Variants in RBM27 observed in about 807,000 individuals in gnomAD.
RBM27 encodes RNA-binding protein 27.
Under a neutral mutation model 135.3 loss-of-function variants are expected in RBM27, and 22 were observed. The ratio of observed to expected loss-of-function variants is 0.16; its 90% CI spans 0.12 to 0.23. The LOEUF (loss-of-function observed/expected upper bound fraction) is 0.23. RBM27 is among the 10% of genes least tolerant of loss of function. The pLI is 1.00. For missense variants in RBM27, 1,009 were observed against 1,281.0 expected, an observed-to-expected ratio of 0.79 and a Z score of 3.24; for synonymous variants, 481 against 442.4, an observed-to-expected ratio of 1.09 and a Z score of -1.10.
chr5:146,226,195 A>G (rs1259058696), intron 3 of RBM27, among the ~76,000 whole-genome samples: 1 of 151,998 alleles, frequency 6.6e-6, no homozygotes, highest in African/African-American at 2.4e-5. Context: ...GAGTACTTTC[A>G]TAGACATTTT....
chr5:146,235,282 A>G (rs1192990109), intron 7 of RBM27, among the ~76,000 whole-genome samples: 1 of 152,104 alleles, frequency 6.6e-6, no homozygotes, highest in East Asian at 1.9e-4. Flanking sequence ...ATGGCCCGGC[A>G]CAGTGGTGCA....
chr5:146,239,730 C>A (rs1243106486), intron 8 of RBM27, among the ~76,000 whole-genome samples: 1 of 150,824 alleles, frequency 6.6e-6, no homozygotes, highest in Non-Finnish European at 1.5e-5. Context: ...GCTGCTTTGG[C>A]CTTGCAAAGC....
chr5:146,248,196 T>C (rs1164600517), intron 8 of RBM27, among the ~76,000 whole-genome samples: 1 of 151,886 alleles, frequency 6.6e-6, no homozygotes, highest in Non-Finnish European at 1.5e-5. Flanking sequence ...TTGTCTCATC[T>C]TTAATCAATA....
intron 19 of RBM27, among the ~76,000 whole-genome samples, chr5:146,282,782 CATCAGTTTTAGATTCTTACCAGTTTAGA>C (rs1759417400): frequency 1.3e-5 from 2 of 152,162 alleles, no homozygotes; most frequent in African/African-American, 2.4e-5. Flanking sequence ...GAGTGAACCC[CATCAGTTTTAGATTCTTACCAGTTTAGA>C]ATCAGTTTGA....
chr5:146,268,479 T>C (rs2126876373), intron 15 of RBM27, among the ~76,000 whole-genome samples: 1 of 152,252 alleles, frequency 6.6e-6, no homozygotes, highest in East Asian at 1.9e-4. Flanking sequence ...CAACCTCAGG[T>C]GATCCACCTG....
intron 15 of RBM27, among the ~76,000 whole-genome samples, chr5:146,268,993 C>T (rs969542703): frequency 1.3e-5 from 2 of 152,128 alleles, no homozygotes; most frequent in African/African-American, 2.4e-5. Flanking sequence ...ATAGATATAG[C>T]TAATTAGGTC....
chr5:146,256,516 A>G (rs1442908053), intron 10 of RBM27, among the ~76,000 whole-genome samples: 6 of 151,236 alleles, frequency 4.0e-5, no homozygotes. Context: ...CAACCCTGCT[A>G]ATTTTTGTAT....
Position 146,203,757 on chromosome 5 carries a change from C to T in RBM27, c.-9C>T, listed in dbSNP as rs1755487599. 3 of 1,550,640 alleles carry T rather than the reference C, an allele frequency of 1.9e-6. No homozygotes were observed. Among genetic ancestry groups the T allele is most frequent in the East Asian group, 4.9e-5 (2 of 40,848 alleles). On this transcript the variant is annotated 5_prime_UTR_variant, in exon 1 of 21. Transcript: ENST00000265271. ...GAAGAGCGGCGGCCGAGCCCGCCTT[C>T]CCTGCACCATGCTCATAGAGGATGT...
rs1280123997 is a variant in RBM27, at chr5:146,246,864, GT to G, written c.1280-4829del. On this transcript the variant is annotated intron_variant, in intron 8 of 20. Transcript: ENST00000265271. Reference sequence around the variant, plus strand: ...CTGACTTGATTATTTTAGTGCTGTGGTTTTTTTTTTTTTTTTTTAGACAAGG... The same window carrying G: ...CTGACTTGATTATTTTAGTGCTGTGGTTTTTTTTTTTTTTTTTAGACAAGG... Among the ~76,000 whole-genome samples, 313 of 135,110 alleles carry G rather than the reference GT, an allele frequency of 2.3e-3. 1 individual carries two copies. Among genetic ancestry groups the G allele is most frequent in the Middle Eastern group, 0.015 (4 of 260 alleles). 88.6% of individuals were successfully genotyped at this position (135,110 alleles called of 152,430 possible). A position where few individuals can be genotyped will look rare whatever the true frequency, so the allele number is the denominator to read the frequency against.
intron 1 of RBM27, 97 bp downstream of exon 1, chr5:146,203,921 G>T (rs973902404): frequency 3.1e-5 from 37 of 1,200,920 alleles, no homozygotes; most frequent in Non-Finnish European, 4.1e-5. Context: ...CGGCGCTGAG[G>T]GGCCGCGGCC....
chr5:146,261,897 G>T, intron 13 of RBM27, 91 bp downstream of exon 13: 1 of 1,323,834 alleles, frequency 7.6e-7, no homozygotes, highest in Non-Finnish European at 1.0e-6. Context: ...TTCTACAGAA[G>T]AGCTACTCTT....
chr5:146,252,703 C>G (rs548518940), intron 9 of RBM27, among the ~76,000 whole-genome samples: 7 of 152,166 alleles, frequency 4.6e-5, no homozygotes, highest in African/African-American at 1.4e-4. Context: ...TGTTACTTTA[C>G]ATATCATTTT....
chr5:146,209,969 C>G (rs992927087), intron 1 of RBM27, among the ~76,000 whole-genome samples: 5 of 152,198 alleles, frequency 3.3e-5, no homozygotes, highest in African/African-American at 4.8e-5. Flanking sequence ...AGGCTAAAGC[C>G]AGAAGTTGCC....
chr5:146,228,012 C>T (rs1347031732), intron 3 of RBM27, among the ~76,000 whole-genome samples: 1 of 152,124 alleles, frequency 6.6e-6, no homozygotes, highest in Non-Finnish European at 1.5e-5. Flanking sequence ...AACCGTTTTA[C>T]TCTATGGTAC....
At chr5:146,281,149 G>A (rs1385867660) in intron 19 of RBM27, among the ~76,000 whole-genome samples, 1 of 152,094 alleles carries the variant, frequency 6.6e-6, no homozygotes, top group Non-Finnish European at 1.5e-5. Context: ...AGCCTTTGCA[G>A]TCTATTTAAT....
intron 9 of RBM27, among the ~76,000 whole-genome samples, chr5:146,254,620 T>C (rs564236464): frequency 6.6e-6 from 1 of 152,068 alleles, no homozygotes; most frequent in Non-Finnish European, 1.5e-5. Context: ...TTAAAAACAA[T>C]ATCCATAACA....
intron 8 of RBM27, among the ~76,000 whole-genome samples, chr5:146,244,420 T>A (rs1436000650): frequency 6.6e-6 from 1 of 152,190 alleles, no homozygotes; most frequent in African/African-American, 2.4e-5. Flanking sequence ...TGAGTTAAAA[T>A]GTCATAGACC....
intron 1 of RBM27, among the ~76,000 whole-genome samples, chr5:146,215,618 T>A (rs1031689882): frequency 6.6e-6 from 1 of 152,200 alleles, no homozygotes; most frequent in African/African-American, 2.4e-5. Flanking sequence ...TTTTTTCCCC[T>A]TCTCTCCTCC....
At chr5:146,217,911 C>T (rs1161333975) in intron 1 of RBM27, among the ~76,000 whole-genome samples, 7 of 151,952 alleles carry the variant, frequency 4.6e-5, no homozygotes, top group Admixed American at 4.6e-4. Flanking sequence ...ACGTGCACCA[C>T]CACACCTGGC....
Sources: gnomAD v4.1 joint callset for allele counts (sites outside exome capture counted in the v4.1 genomes callset) on GRCh38, gnomAD v4.1.1 for gene constraint, MANE v1.5 for transcripts, NCBI Gene and HGNC (gene_info 2026-07-23, HGNC 2026-07-21) for gene names.